The following DYNC2I2 variants were observed in gnomAD, a reference collection of about 807,000 sequenced individuals.
The protein encoded by DYNC2I2 is cytoplasmic dynein 2 intermediate chain 2.
Under a neutral mutation model 52.0 loss-of-function variants are expected in DYNC2I2, and 39 were observed. The observed-to-expected ratio is 0.75, with a 90% confidence interval of 0.58 to 0.98. The LOEUF (loss-of-function observed/expected upper bound fraction) is 0.98, where lower values mean the gene tolerates loss of function less well. Ranked by LOEUF, DYNC2I2 falls within the 50% of genes least tolerant of loss-of-function variation. The pLI is 0.00. For missense variants in DYNC2I2, 743 were observed against 728.4 expected, an observed-to-expected ratio of 1.02 and a Z score of -0.23; for synonymous variants, 359 against 321.1, an observed-to-expected ratio of 1.12 and a Z score of -1.26.
Position 128,636,380 on chromosome 9 carries a change from G to T in DYNC2I2, c.604C>A (p.Arg202=). 1 of 1,610,072 alleles carries T rather than the reference G, an allele frequency of 6.2e-7. No individual in the cohort carries two copies. Residue 202 remains arginine, a synonymous_variant, in exon 4 of 9, where the codon CGG becomes AGG. Coordinates refer to ENST00000372715, the MANE Select transcript of DYNC2I2 (RefSeq NM_052844.4). ...KSFVCAWNLD[R]RDLRPQQPSA... ...GGCTGCTGGGGACGCAGGTCTCGCC[G>T]GTCCAGGTTCCAGGCACACACGAAG...
At chr9:128,648,512 A>T (rs1860660904) in intron 1 of DYNC2I2, among the ~76,000 whole-genome samples, 1 of 151,442 alleles carries the variant, frequency 6.6e-6, no homozygotes. Flanking sequence ...AGGGCCAGGC[A>T]TGGTGGCTCA....
At chr9:128,681,070 T>G in the DYNC2I2 span, among the ~76,000 whole-genome samples, 1 of 152,146 alleles carries the variant, frequency 6.6e-6, no homozygotes, top group East Asian at 1.9e-4. Context: ...TGCATTCACA[T>G]CATTCCGAGT....
the DYNC2I2 span, among the ~76,000 whole-genome samples, chr9:128,681,114 G>A: frequency 2.6e-5 from 4 of 151,386 alleles, no homozygotes; most frequent in Admixed American, 6.6e-5. Context: ...TTTTAGAGAC[G>A]GAGTCTCACT....
chr9:128,668,126 A>G, the DYNC2I2 span, among the ~76,000 whole-genome samples: 2 of 151,854 alleles, frequency 1.3e-5, no homozygotes, highest in East Asian at 1.9e-4. Context: ...ATGCCCAGCT[A>G]ATTTTTGTAC....
chr9:128,654,646 C>T (rs1860782579), intron 1 of DYNC2I2, among the ~76,000 whole-genome samples: 1 of 152,192 alleles, frequency 6.6e-6, no homozygotes, highest in Non-Finnish European at 1.5e-5. Context: ...CAGCCTCCAA[C>T]TCCTGGGCTC....
rs544655044 is a variant in DYNC2I2 at position 128,656,713 on chromosome 9, G to C, written c.14C>G (p.Ala5Gly). ...CGCCTGGCTGAGTGGCCCCGGCTGC[G>C]CGCGGGTTGCCATGGAGACGGTTCC... MATR[A>G]QPGPLSQAGS... is the part of the protein sequence containing the mutation. The change falls in exon 1 of 9, where the codon GCG becomes GGG. Residue 5 changes from alanine (A) to glycine (G), a missense_variant. Coordinates refer to ENST00000372715, the MANE Select transcript of DYNC2I2 (RefSeq NM_052844.4). 158 of 1,429,172 alleles carry C rather than the reference G, an allele frequency of 1.1e-4. No individual in the cohort carries two copies. Among genetic ancestry groups the C allele is most frequent in the Non-Finnish European group, 1.2e-4 (131 of 1,100,022 alleles). 88.5% of individuals were successfully genotyped at this position (1,429,172 alleles called of 1,614,324 possible). A position where few individuals can be genotyped will look rare whatever the true frequency, so the allele number is the denominator to read the frequency against.
At chr9:128,657,831 G>A (rs1860861500), upstream of DYNC2I2, among the ~76,000 whole-genome samples, 1 of 151,840 alleles carries the variant, frequency 6.6e-6, no homozygotes, top group Admixed American at 6.6e-5. Context: ...TAGGCCAGAC[G>A]AGATGGCCAG....
At chr9:128,655,511 CA>C (rs34804977) in intron 1 of DYNC2I2, among the ~76,000 whole-genome samples, 98,494 of 119,914 alleles carry the variant, frequency 0.82, 40,925 homozygotes, top group Non-Finnish European at 0.93. Context: ...ACTCCGTCTC[CA>C]AAAAAAAAAA....
At chr9:128,668,160 C>T in the DYNC2I2 span, among the ~76,000 whole-genome samples, 29 of 151,892 alleles carry the variant, frequency 1.9e-4, no homozygotes, top group East Asian at 1.4e-3. Context: ...GGGGTTTCAT[C>T]ATGTTGGCCA....
intron 4 of DYNC2I2, 178 bp from the exon 5 acceptor site, chr9:128,635,945 C>T (rs556997346): frequency 7.2e-6 from 5 of 690,152 alleles, no homozygotes; most frequent in African/African-American, 7.1e-5. Flanking sequence ...TGTTGTACCC[C>T]AGGGAGCTTT....
chr9:128,665,810 C>T, the DYNC2I2 span, among the ~76,000 whole-genome samples: 6 of 146,414 alleles, frequency 4.1e-5, no homozygotes, highest in Non-Finnish European at 5.9e-5. Context: ...CAGTGGCTCA[C>T]GCCTGTAATT....
intron 1 of DYNC2I2, 48 bp from the exon 2 acceptor site, chr9:128,640,987 A>G (rs1478673451): frequency 1.0e-5 from 16 of 1,536,140 alleles, no homozygotes; most frequent in Non-Finnish European, 1.4e-5. Context: ...GTCCTCGCAC[A>G]GCCCCCACCC....
chr9:128,669,872 G>A, the DYNC2I2 span, among the ~76,000 whole-genome samples: 1 of 152,094 alleles, frequency 6.6e-6, no homozygotes, highest in African/African-American at 2.4e-5. Context: ...GTAAAGACGG[G>A]GTTTCACTAT....
the DYNC2I2 span, among the ~76,000 whole-genome samples, chr9:128,665,209 C>A: frequency 6.6e-6 from 1 of 151,756 alleles, no homozygotes; most frequent in Non-Finnish European, 1.5e-5. Context: ...CCCGCCACCA[C>A]GACCAGCTAA....
At chr9:128,640,174 A>G (rs1860486682) in intron 2 of DYNC2I2, among the ~76,000 whole-genome samples, 2 of 150,642 alleles carry the variant, frequency 1.3e-5, no homozygotes, top group African/African-American at 2.4e-5. Flanking sequence ...CGCCCGGCTA[A>G]TTTTTTTTTG....
the DYNC2I2 span, among the ~76,000 whole-genome samples, chr9:128,664,694 A>C: frequency 6.6e-6 from 1 of 151,708 alleles, no homozygotes; most frequent in African/African-American, 2.4e-5. Context: ...CATGTTGGCC[A>C]GGCTGGTCAC....
At chr9:128,680,078 G>A in the DYNC2I2 span, among the ~76,000 whole-genome samples, 1 of 145,702 alleles carries the variant, frequency 6.9e-6, no homozygotes, top group Non-Finnish European at 1.5e-5. Flanking sequence ...TTTTTTTTTT[G>A]AGACAGAGTT....
Position 128,635,249 on chromosome 9 carries a change from A to G in DYNC2I2, c.824T>C (p.Leu275Pro). The G allele has an allele frequency of 2.5e-6, 4 of 1,612,764 alleles. No individual in the cohort carries two copies. The highest frequency in any genetic ancestry group is 3.4e-6 in the Non-Finnish European group (4 of 1,179,804). ...GCGGTGGCTGTGCCCAGGCTCGGGC[A>G]GCCACACCACCTGAGTTAACAGCAT... The part of the protein sequence containing the change: ...HTDPVSQVVW[L>P]PEPGHSHRFQ... Residue 275 changes from leucine (L) to proline (P), a missense_variant, in exon 6 of 9, where the codon CTG becomes CCG. Coordinates refer to ENST00000372715, the MANE Select transcript of DYNC2I2 (RefSeq NM_052844.4).
chr9:128,646,843 T>C (rs1198604099), intron 1 of DYNC2I2, among the ~76,000 whole-genome samples: 1 of 152,142 alleles, frequency 6.6e-6, no homozygotes, highest in Non-Finnish European at 1.5e-5. Context: ...ATTAGCCAGG[T>C]TGGCTGGGCA....
Sources: allele counts gnomAD v4.1 joint callset (sites outside exome capture counted in the v4.1 genomes callset), GRCh38; gene constraint gnomAD v4.1.1; transcripts MANE v1.5; gene names NCBI Gene and HGNC (gene_info 2026-07-23, HGNC 2026-07-21).